Variants in TBC1D19 observed in about 807,000 individuals in gnomAD.
TBC1D19 encodes the protein TBC1 domain family, member 19.
A neutral mutation model predicts 89.0 loss-of-function variants in TBC1D19; 60 were observed. That is an observed-to-expected ratio of 0.67 (90% CI 0.55 to 0.84). TBC1D19 has a LOEUF of 0.84. Among genes scored for constraint, TBC1D19 ranks in the 40% least tolerant of loss-of-function variants. The pLI, the probability that TBC1D19 is intolerant of heterozygous loss-of-function variation, is 0.00. For synonymous variants in TBC1D19, 189 were observed against 199.7 expected, an observed-to-expected ratio of 0.95 and a Z score of 0.45; for missense variants, 500 against 610.8, an observed-to-expected ratio of 0.82 and a Z score of 1.91.
Position 26,752,725 on chromosome 4 carries a change from C to A in TBC1D19, c.1436-1095C>A, listed in dbSNP as rs145749857. Reference sequence around the variant, plus strand: ...GGGTCCTTCTGTTGTTTATGACTCACTCCCTCACATGGAGTTTTATGGTAG... The same window carrying A: ...GGGTCCTTCTGTTGTTTATGACTCAATCCCTCACATGGAGTTTTATGGTAG... On this transcript the variant is annotated intron_variant, in intron 19 of 20. Coordinates refer to ENST00000264866, the MANE Select transcript of TBC1D19 (RefSeq NM_018317.4). Among the ~76,000 whole-genome samples, 317 of 152,314 alleles carry A rather than the reference C, an allele frequency of 2.1e-3. 2 individuals are homozygous for A. Among genetic ancestry groups the A allele is most frequent in the Non-Finnish European group, 3.0e-3 (206 of 68,026 alleles).
In TBC1D19 at chr4:26,591,383, G is replaced by A. The variant is rs773232293; in HGVS notation, c.99+7091G>A. On this transcript the variant is annotated intron_variant, in intron 1 of 20. Transcript: ENST00000264866. ...GCTGAGATCGCACCACTGTGGAACAGGAATTAAAAAAAATTAAAGAATGTG... is the reference window on the plus strand; with the variant it reads ...GCTGAGATCGCACCACTGTGGAACAAGAATTAAAAAAAATTAAAGAATGTG... 2.1e-4 allele frequency among the ~76,000 whole-genome samples: 32 copies of A among 151,898 alleles called. 1 individual carries two copies. The highest frequency in any genetic ancestry group is 3.4e-3 in the Middle Eastern group (1 of 294).
chr4:26,727,851 A>G (rs1170855596), intron 15 of TBC1D19, among the ~76,000 whole-genome samples: 1 of 152,242 alleles, frequency 6.6e-6, no homozygotes, highest in African/African-American at 2.4e-5. Flanking sequence ...TCCATCATTA[A>G]CATTTACTGG....
intron 13 of TBC1D19, among the ~76,000 whole-genome samples, chr4:26,711,042 A>G (rs1716150986): frequency 6.6e-6 from 1 of 151,908 alleles, no homozygotes; most frequent in Non-Finnish European, 1.5e-5. Context: ...ATTAGATCCC[A>G]TTTGTCAGTT....
chr4:26,627,251 G>A (rs1358479856), intron 4 of TBC1D19, among the ~76,000 whole-genome samples: 1 of 151,900 alleles, frequency 6.6e-6, no homozygotes, highest in Non-Finnish European at 1.5e-5. Flanking sequence ...AGTATTCCAT[G>A]GTGTATATGT....
chr4:26,780,391 A>G, the TBC1D19 span, among the ~76,000 whole-genome samples: 1 of 152,168 alleles, frequency 6.6e-6, no homozygotes, highest in African/African-American at 2.4e-5. Flanking sequence ...GAGACTCTTT[A>G]ATTTCCTTAC....
the TBC1D19 span, among the ~76,000 whole-genome samples, chr4:26,842,745 T>C: frequency 6.6e-6 from 1 of 151,560 alleles, no homozygotes. Context: ...TCAAGCAATT[T>C]GCCTGCCTCA....
At chr4:26,761,783 C>T in the TBC1D19 span, among the ~76,000 whole-genome samples, 1 of 152,088 alleles carries the variant, frequency 6.6e-6, no homozygotes, top group Non-Finnish European at 1.5e-5. Flanking sequence ...ATAAGTTTAA[C>T]AAATATTTTT....
In TBC1D19 at chr4:26,637,195, G is replaced by C. The variant is rs780505233; in HGVS notation, c.295-16G>C. 1 of 1,566,788 alleles carries C rather than the reference G, an allele frequency of 6.4e-7. No individual in the cohort carries two copies. Among genetic ancestry groups the C allele is most frequent in the Non-Finnish European group, 8.7e-7 (1 of 1,143,372 alleles). On this transcript the variant is annotated splice_polypyrimidine_tract_variant and intron_variant, in intron 4 of 20. Transcript: ENST00000264866. ...TTGTTACTGGAAAAGATAATTGATTGTTTTTTATGTTTCAGGGAAGTTGGG... is the reference window on the plus strand; with the variant it reads ...TTGTTACTGGAAAAGATAATTGATTCTTTTTTATGTTTCAGGGAAGTTGGG...
chr4:26,817,248 C>G, the TBC1D19 span, among the ~76,000 whole-genome samples: 1 of 152,212 alleles, frequency 6.6e-6, no homozygotes, highest in Non-Finnish European at 1.5e-5. Flanking sequence ...GCCTGGCTAT[C>G]TTGACTCAAT....
chr4:26,759,127 C>G (rs779785582), downstream of TBC1D19, among the ~76,000 whole-genome samples: 20 of 152,208 alleles, frequency 1.3e-4, no homozygotes, highest in Non-Finnish European at 2.5e-4. Context: ...CTTAAGAATC[C>G]TTAACCCCTA....
chr4:26,828,248 GA>G, the TBC1D19 span, among the ~76,000 whole-genome samples: 7 of 152,230 alleles, frequency 4.6e-5, no homozygotes, highest in East Asian at 1.3e-3. Flanking sequence ...TGAAGAACAT[GA>G]ATTTCAGCCT....
the TBC1D19 span, among the ~76,000 whole-genome samples, chr4:26,765,083 A>G: frequency 6.6e-6 from 1 of 152,286 alleles, no homozygotes; most frequent in South Asian, 2.1e-4. Flanking sequence ...AATAAAGAAG[A>G]AAACTGAGTT....
chr4:26,838,672 T>TGACAA, the TBC1D19 span, among the ~76,000 whole-genome samples: 3 of 152,158 alleles, frequency 2.0e-5, no homozygotes, highest in South Asian at 6.2e-4. Flanking sequence ...TTCCTGTACT[T>TGACAA]TGTCAGACTG....
At chr4:26,599,470 A>G (rs1211878576) in intron 1 of TBC1D19, among the ~76,000 whole-genome samples, 2 of 152,150 alleles carry the variant, frequency 1.3e-5, no homozygotes, top group South Asian at 4.1e-4. Context: ...AGCCAAATAT[A>G]AGTGATTTTT....
At chr4:26,724,136 C>T (rs1455580949) in intron 15 of TBC1D19, among the ~76,000 whole-genome samples, 8 of 152,166 alleles carry the variant, frequency 5.3e-5, no homozygotes, top group Non-Finnish European at 8.8e-5. Context: ...CTGAAGCTCA[C>T]CAAGATGGCC....
At chr4:26,638,982 G>C in intron 6 of TBC1D19, 148 bp downstream of exon 6, 1 of 664,530 alleles carries the variant, frequency 1.5e-6, no homozygotes, top group Non-Finnish European at 2.6e-6. Context: ...ACCAGAATTA[G>C]ACTGACCTAC....
intron 10 of TBC1D19, among the ~76,000 whole-genome samples, chr4:26,673,446 T>TATATATATACACAC (rs373807642): frequency 3.6e-4 from 33 of 90,860 alleles, no homozygotes; most frequent in East Asian, 6.7e-4. Flanking sequence ...TATATATATA[T>TATATATATACACAC]ACACACACAC....
intron 17 of TBC1D19, chr4:26,741,021 T>A: frequency 1.2e-6 from 1 of 868,014 alleles, no homozygotes; most frequent in Non-Finnish European, 1.4e-6. Context: ...CTTTAATATT[T>A]AATCTGGAAT....
chr4:26,807,238 T>G, the TBC1D19 span, among the ~76,000 whole-genome samples: 1 of 152,052 alleles, frequency 6.6e-6, no homozygotes, highest in Non-Finnish European at 1.5e-5. Context: ...GAGACCGGTA[T>G]CCGACCTGAC....
Sources: gnomAD v4.1 joint callset for allele counts (sites outside exome capture counted in the v4.1 genomes callset) on GRCh38, gnomAD v4.1.1 for gene constraint, MANE v1.5 for transcripts, NCBI Gene and HGNC (gene_info 2026-07-23, HGNC 2026-07-21) for gene names.